TXNDC12: variants seen among roughly 807,000 people sequenced by gnomAD.
TXNDC12 encodes thioredoxin domain-containing protein 12.
In TXNDC12, 22 loss-of-function variants were observed where a neutral mutation model predicts 24.2. The observed-to-expected ratio is 0.91, with a 90% CI of 0.65 to 1.30. The LOEUF is 1.30. TXNDC12 is among the 50% of genes most tolerant of loss of function. The pLI is 0.00. For synonymous variants in TXNDC12, 58 were observed against 73.4 expected, an observed-to-expected ratio of 0.79 and a Z score of 1.07; for missense variants, 184 against 205.8, an observed-to-expected ratio of 0.89 and a Z score of 0.65.
At chr1:52,032,883 G>C (rs1220138863) in intron 2 of TXNDC12, 2 of 1,613,936 alleles carry the variant, frequency 1.2e-6, no homozygotes, top group East Asian at 4.5e-5. Context: ...AGTCCCCGGG[G>C]ACAGCGCTCT....
intron 1 of TXNDC12, among the ~76,000 whole-genome samples, chr1:52,043,648 G>C (rs1361771905): frequency 6.6e-6 from 1 of 152,162 alleles, no homozygotes; most frequent in Non-Finnish European, 1.5e-5. Context: ...TTAGCATAGT[G>C]CTTAGCATAT....
intron 3 of TXNDC12, among the ~76,000 whole-genome samples, chr1:52,027,728 G>A (rs1347325495): frequency 6.7e-6 from 1 of 149,700 alleles, no homozygotes; most frequent in South Asian, 2.1e-4. Context: ...ATATGTATGT[G>A]TGTATATATG....
At chr1:52,042,504 A>G (rs1426117414) in intron 1 of TXNDC12, among the ~76,000 whole-genome samples, 1 of 148,062 alleles carries the variant, frequency 6.8e-6, no homozygotes, top group Non-Finnish European at 1.5e-5. Context: ...TCTGTCACCC[A>G]GGCTAGAATA....
At chr1:52,023,708 C>T (rs1685634236) in intron 5 of TXNDC12, 134 bp from the exon 6 acceptor site, 2 of 609,086 alleles carry the variant, frequency 3.3e-6, no homozygotes, top group African/African-American at 3.8e-5. Flanking sequence ...ACCATAATAC[C>T]TCCTACATTT....
chr1:52,024,056 G>A (rs537593300), intron 5 of TXNDC12, among the ~76,000 whole-genome samples: 1 of 151,456 alleles, frequency 6.6e-6, no homozygotes, highest in East Asian at 1.9e-4. Flanking sequence ...GGGCAGTGGC[G>A]TGATTATGGC....
chr1:52,053,639 G>A (rs547255596), intron 1 of TXNDC12, among the ~76,000 whole-genome samples: 9 of 152,090 alleles, frequency 5.9e-5, no homozygotes, highest in Non-Finnish European at 7.4e-5. Flanking sequence ...ACTCCAGCCC[G>A]AGCAACAGTG....
chr1:52,050,345 A>G (rs944904593), intron 1 of TXNDC12, among the ~76,000 whole-genome samples: 1 of 152,210 alleles, frequency 6.6e-6, no homozygotes, highest in Non-Finnish European at 1.5e-5. Flanking sequence ...CCAATTTCCT[A>G]AAGTGTCACC....
At chr1:52,054,914 A>G (rs1686302144) in intron 1 of TXNDC12, 86 bp downstream of exon 1, 2 of 1,012,090 alleles carry the variant, frequency 2.0e-6, no homozygotes, top group Non-Finnish European at 3.1e-6. Context: ...TTAGAATGGG[A>G]GGGGAACGGT....
intron 6 of TXNDC12, among the ~76,000 whole-genome samples, chr1:52,022,694 A>G (rs1357846241): frequency 1.4e-5 from 2 of 139,060 alleles, no homozygotes; most frequent in Non-Finnish European, 3.0e-5. Context: ...GCTAGAGTGC[A>G]ATGGCGCACG....
chr1:52,041,889 G>A (rs1685999714), intron 1 of TXNDC12, among the ~76,000 whole-genome samples: 1 of 152,218 alleles, frequency 6.6e-6, no homozygotes, highest in Non-Finnish European at 1.5e-5. Context: ...TAATAATACT[G>A]TAAGAATGAA....
chr1:52,049,076 C>A (rs1202818714), intron 1 of TXNDC12, among the ~76,000 whole-genome samples: 2 of 152,038 alleles, frequency 1.3e-5, no homozygotes, highest in East Asian at 3.9e-4. Context: ...CAGCTGAGCT[C>A]AACTTTTACT....
At chr1:52,021,033 G>GA in intron 6 of TXNDC12, 21 bp from the exon 7 acceptor site, 4 of 1,580,722 alleles carry the variant, frequency 2.5e-6, no homozygotes, top group Non-Finnish European at 3.5e-6. Flanking sequence ...AAGATTGGAG[G>GA]AAAAAAGTAT....
chr1:52,038,894 T>G (rs1034361112), intron 2 of TXNDC12, among the ~76,000 whole-genome samples: 1 of 118,714 alleles, frequency 8.4e-6, no homozygotes, highest in African/African-American at 3.0e-5. Context: ...CTTTTTTTTT[T>G]CTTTTTCTGT....
intron 1 of TXNDC12, among the ~76,000 whole-genome samples, chr1:52,048,399 G>A (rs530402427): frequency 2.0e-5 from 3 of 151,642 alleles, no homozygotes; most frequent in East Asian, 1.9e-4. Context: ...CCAGGAGTTC[G>A]AGGATACAGT....
At chr1:52,032,637 C>G in intron 2 of TXNDC12, 1 of 1,531,180 alleles carries the variant, frequency 6.5e-7, no homozygotes, top group Non-Finnish European at 8.7e-7. Context: ...GCCTATTTTT[C>G]CCAGAGAAAT....
intron 2 of TXNDC12, chr1:52,030,544 G>T (rs1685735329): frequency 6.6e-6 from 1 of 152,146 alleles, no homozygotes; most frequent in Non-Finnish European, 1.5e-5. Context: ...TTTCACACAT[G>T]AATCCTGTTT....
At chr1:52,031,303 G>T (rs1427027165) in intron 2 of TXNDC12, among the ~76,000 whole-genome samples, 3 of 151,012 alleles carry the variant, frequency 2.0e-5, no homozygotes, top group African/African-American at 7.3e-5. Flanking sequence ...GGGATTACAG[G>T]CACGTGCCAC....
chr1:52,033,816 C>T, intron 2 of TXNDC12: 1 of 1,490,036 alleles, frequency 6.7e-7, no homozygotes, highest in Non-Finnish European at 8.9e-7. Flanking sequence ...GGGTTGTACG[C>T]GTCTCCGACG....
chr1:52,024,378 A>ACT, intron 5 of TXNDC12, 132 bp downstream of exon 5: 1 of 691,984 alleles, frequency 1.4e-6, no homozygotes, highest in Non-Finnish European at 2.5e-6. Flanking sequence ...GAACTCCCCC[A>ACT]CTCTCTCTTG....
Sources: allele counts gnomAD v4.1 joint callset (sites outside exome capture counted in the v4.1 genomes callset), GRCh38; gene constraint gnomAD v4.1.1; transcripts MANE v1.5; gene names NCBI Gene and HGNC (gene_info 2026-07-23, HGNC 2026-07-21).